GNS: variants seen among roughly 807,000 people sequenced by gnomAD.
GNS encodes the protein N-acetylglucosamine-6-sulfatase.
In GNS, 40 loss-of-function variants were observed where a neutral mutation model predicts 69.7. That is an observed-to-expected ratio of 0.57 (90% CI 0.45 to 0.75). The LOEUF is 0.75. Among genes scored for constraint, GNS ranks in the 30% least tolerant of loss-of-function variants. The probability of loss-of-function intolerance (pLI) is 0.00; values close to 1 mark genes in which losing one functional copy is unlikely to be tolerated. For missense variants in GNS, 565 were observed against 685.5 expected (o/e 0.82, Z 1.96); for synonymous variants, 243 against 251.6 (o/e 0.97, Z 0.32).
chr12:64,732,176 T>G (rs911653386), intron 9 of GNS, among the ~76,000 whole-genome samples: 5 of 117,978 alleles, frequency 4.2e-5, no homozygotes, highest in African/African-American at 1.6e-4. Context: ...GTTGTTTTTT[T>G]TTTTTTTTTG....
chr12:64,744,881 G>T lies in GNS; in HGVS notation c.552C>A (p.Tyr184Ter). 1 of 1,517,398 alleles carries T rather than the reference G, an allele frequency of 6.6e-7. No homozygotes were observed. Among genetic ancestry groups the T allele is most frequent in the Non-Finnish European group, 9.2e-7 (1 of 1,091,672 alleles). 94.0% of individuals were successfully genotyped at this position (1,517,398 alleles called of 1,614,324 possible). A position where few individuals can be genotyped will look rare whatever the true frequency, so the allele number is the denominator to read the frequency against. The change falls in exon 5 of 14, where the codon TAC (tyrosine) becomes TAA (stop). Residue 184 changes from tyrosine to a stop codon, truncating the protein, a stop_gained. Coordinates refer to ENST00000258145, the MANE Select transcript of GNS (RefSeq NM_002076.4). LOFTEE classifies it high-confidence loss of function. Reference sequence around the variant, plus strand: ...GTGCCTTCCCATTGATAGACAGGGTGTAATTATAATACTTAGAATTCTTTT... The same window carrying T: ...GTGCCTTCCCATTGATAGACAGGGTTTAATTATAATACTTAGAATTCTTTT... ...ALEKNSKYYN[Y>*]TLSINGKARK...
At chr12:64,741,405 C>T (rs552669376) in intron 6 of GNS, among the ~76,000 whole-genome samples, 2 of 151,940 alleles carry the variant, frequency 1.3e-5, no homozygotes, top group East Asian at 3.9e-4. Flanking sequence ...CATGCCTCAG[C>T]CACCTGAGTA....
chr12:64,735,442 A>C (rs1217023991), intron 9 of GNS, among the ~76,000 whole-genome samples: 1 of 152,236 alleles, frequency 6.6e-6, no homozygotes, highest in African/African-American at 2.4e-5. Context: ...CCTGTCCCAT[A>C]CTAAACACTC....
intron 6 of GNS, 21 bp downstream of exon 6, chr12:64,743,120 A>G (rs1310824454): frequency 6.3e-7 from 1 of 1,578,956 alleles, no homozygotes. Flanking sequence ...ATGGCTGAAT[A>G]CAAGTGGTGG....
intron 9 of GNS, among the ~76,000 whole-genome samples, chr12:64,734,223 C>T (rs1381442500): frequency 1.3e-5 from 2 of 152,238 alleles, no homozygotes; most frequent in Non-Finnish European, 2.9e-5. Context: ...CCTGATCTGC[C>T]ACTTACTTTG....
rs1393955287 is a variant in GNS at position 64,759,024 on chromosome 12, A to G, written c.192+61T>C. 3 of 1,354,354 alleles carry G rather than the reference A, an allele frequency of 2.2e-6. No individual in the cohort carries two copies. The African/African-American group carries it at 4.3e-5, about 20-fold the overall frequency. 83.9% of individuals were successfully genotyped at this position (1,354,354 alleles called of 1,614,324 possible). A position where few individuals can be genotyped will look rare whatever the true frequency, so the allele number is the denominator to read the frequency against. ...GAGGGTGGTGGGGACCGGGAAAGAG[A>G]GCAACAAACCGGGTAGTCAGCCCAA... On this transcript the variant is annotated intron_variant, in intron 1 of 13. Transcript: ENST00000258145.
At chr12:64,719,977 A>G (rs1225457219) in intron 13 of GNS, 45 bp downstream of exon 13, 3 of 1,361,160 alleles carry the variant, frequency 2.2e-6, no homozygotes, top group Non-Finnish European at 2.1e-6. Context: ...CAGCATGTCT[A>G]CTAGAAAAAA....
In GNS at chr12:64,759,124, C is replaced by G; in HGVS notation, c.153G>C (p.Leu51=). The change falls in exon 1 of 14, where the codon CTG becomes CTC. Residue 51 remains leucine (L), a synonymous_variant. Transcript: ENST00000258145. ...AAGTRRPNVV[L]LLTDDQDEVL... is the part of the protein sequence containing the mutation. The stretch of plus-strand genomic sequence containing the variant: ...CTTCGTCCTGGTCGTCCGTGAGGAG[C>G]AGCACCACGTTGGGCCTCCGGGTTC... 6.4e-7 allele frequency: 1 copy of G among 1,563,476 alleles called. No homozygotes were observed. Among genetic ancestry groups the G allele is most frequent in the Non-Finnish European group, 8.7e-7 (1 of 1,154,126 alleles).
rs541081989 is a variant in GNS, at chr12:64,746,147, T to C, written c.460-423A>G. The C allele has an allele frequency of 2.4e-5, 6 of 245,276 alleles. No individual in the cohort carries two copies. In the East Asian group the frequency reaches 3.2e-4, roughly 13 times the overall value. 15.2% of individuals were successfully genotyped at this position (245,276 alleles called of 1,614,324 possible). ...ACGCTACAGTGGCAGAGCTGAATAG[T>C]AGCAACAGAGACATATGGCCTGCAA... On this transcript the variant is annotated intron_variant, in intron 3 of 13. Transcript: ENST00000258145.
At chr12:64,735,017 G>A (rs1869518408) in intron 9 of GNS, among the ~76,000 whole-genome samples, 1 of 152,138 alleles carries the variant, frequency 6.6e-6, no homozygotes, top group Admixed American at 6.5e-5. Flanking sequence ...AGGCTGGGCA[G>A]GACAATAGCG....
chr12:64,740,843 C>G (rs1395973077), intron 6 of GNS, among the ~76,000 whole-genome samples, 155 bp from the exon 7 acceptor site: 1 of 152,190 alleles, frequency 6.6e-6, no homozygotes, highest in Non-Finnish European at 1.5e-5. Context: ...GAACTTCTCT[C>G]CCTTCCTGTG....
intron 12 of GNS, among the ~76,000 whole-genome samples, chr12:64,720,954 T>C (rs1223728649): frequency 1.3e-5 from 2 of 152,178 alleles, no homozygotes; most frequent in Admixed American, 6.5e-5. Context: ...CTCTCTTGCT[T>C]GTTGTCCAAA....
chr12:64,743,210 T>G lies in GNS; in HGVS notation c.723A>C (p.Ala241=), dbSNP rs770999308. The G allele has an allele frequency of 6.2e-7, 1 of 1,613,094 alleles. No individual in the cohort carries two copies. Among genetic ancestry groups the G allele is most frequent in the Admixed American group, 1.7e-5 (1 of 60,010 alleles). Residue 241 remains alanine (A), a synonymous_variant, in exon 6 of 14, where the codon GCA becomes GCC. Transcript: ENST00000258145. ...TPAPHSPWTA[A]PQYQKAFQNV... ...TCTGGAAAGCCTTCTGGTACTGAGG[T>G]GCAGCTGTCCAAGGCGAATGAGGCG...
chr12:64,745,740 A>G lies in GNS; in HGVS notation c.460-16T>C. On this transcript the variant is annotated splice_polypyrimidine_tract_variant and intron_variant, in intron 3 of 13. Transcript: ENST00000258145. ...GGGCTCCGTACTGAAAAGCAAAACA[A>G]GTAGGGACAATTACAAGTCCTTAGA... The G allele has an allele frequency of 6.5e-7, 1 of 1,537,860 alleles. No individual in the cohort carries two copies. The highest frequency in any genetic ancestry group is 1.4e-5 in the African/African-American group (1 of 73,548).
At chr12:64,759,029 C>G in intron 1 of GNS, 56 bp downstream of exon 1, 1 of 1,395,632 alleles carries the variant, frequency 7.2e-7, no homozygotes, top group Non-Finnish European at 9.9e-7. Flanking sequence ...AAGAGAGCAA[C>G]AAACCGGGTA....
intron 10 of GNS, among the ~76,000 whole-genome samples, chr12:64,726,519 A>G (rs1285108344): frequency 6.6e-6 from 1 of 152,214 alleles, no homozygotes; most frequent in Non-Finnish European, 1.5e-5. Context: ...ACATTAAAAG[A>G]AACAATATAT....
rs779783909 is a variant in GNS, at chr12:64,729,024, T to A, written c.1132A>T (p.Ile378Phe). 2 of 1,596,576 alleles carry A rather than the reference T, an allele frequency of 1.3e-6. No homozygotes were observed. Among genetic ancestry groups the A allele is most frequent in the South Asian group, 2.2e-5 (2 of 90,742 alleles). Residue 378 changes from isoleucine to phenylalanine, a missense_variant, in exon 10 of 14, where the codon ATT (isoleucine) becomes TTT (phenylalanine). This residue lies in a region of GNS where 384 missense variants were observed against 511.0 expected (regional missense o/e 0.75). Coordinates refer to ENST00000258145, the MANE Select transcript of GNS (RefSeq NM_002076.4). Reference sequence around the variant, plus strand: ...AGGTCGTAGCCAGCAATGTCCAAAATAGTAGGACCCAAGTCAATGTTGGCA... The same window carrying A: ...AGGTCGTAGCCAGCAATGTCCAAAAAAGTAGGACCCAAGTCAATGTTGGCA... The part of the protein sequence containing the change: ...LVANIDLGPT[I>F]LDIAGYDLNK...
At chr12:64,724,024 TAACAGTCAA>T (rs942365665) in intron 10 of GNS, among the ~76,000 whole-genome samples, 1 of 152,134 alleles carries the variant, frequency 6.6e-6, no homozygotes, top group African/African-American at 2.4e-5. Context: ...GCAGTATTCA[TAACAGTCAA>T]AAAGTGGAAA....
chr12:64,734,640 A>C (rs143811671), intron 9 of GNS, among the ~76,000 whole-genome samples: 2 of 152,170 alleles, frequency 1.3e-5, no homozygotes, highest in Non-Finnish European at 1.5e-5. Context: ...GCTTATCCCT[A>C]CATCTGGGCC....
Sources: gnomAD v4.1 joint callset for allele counts (sites outside exome capture counted in the v4.1 genomes callset) on GRCh38, gnomAD v4.1.1 for gene constraint, gnomAD v4.1.1 regional missense constraint, MANE v1.5 for transcripts, NCBI Gene and HGNC (gene_info 2026-07-23, HGNC 2026-07-21) for gene names.